MTA3: variants seen among roughly 807,000 people sequenced by gnomAD.
The protein encoded by MTA3 is metastasis associated 1 family member 3.
MTA3 carries 34 observed loss-of-function variants against 83.5 expected under a neutral mutation model. The ratio of observed to expected loss-of-function variants is 0.41; its 90% CI spans 0.31 to 0.54. MTA3 has a LOEUF of 0.54. Ranked by LOEUF, MTA3 falls within the 20% of genes least tolerant of loss-of-function variation. MTA3 has a pLI of 0.33. For synonymous variants in MTA3, 303 were observed against 252.7 expected (o/e 1.20, Z -1.89); for missense variants, 761 against 726.4 (o/e 1.05, Z -0.55).
At position 42,604,807 on chromosome 2, in the gene MTA3, A is replaced by G. The variant is rs549953858; in HGVS notation, c.191-4651A>G. Among the ~76,000 whole-genome samples, 127 of 149,218 alleles carry G rather than the reference A, an allele frequency of 8.5e-4. 1 individual carries two copies. Among genetic ancestry groups the G allele is most frequent in the Non-Finnish European group, 1.5e-3 (99 of 67,254 alleles). ...ACTCTTAACGAGCATGCTGCCTTCAAGCATCTGTTTAACAAAGCACATATT... is the reference window on the plus strand; with the variant it reads ...ACTCTTAACGAGCATGCTGCCTTCAGGCATCTGTTTAACAAAGCACATATT... On this transcript the variant is annotated intron_variant, in intron 3 of 16. Transcript: ENST00000405094.
At chr2:42,563,776 A>ATTCCCTCC (rs1677772585), upstream of MTA3, among the ~76,000 whole-genome samples, 2 of 114,378 alleles carry the variant, frequency 1.7e-5, no homozygotes, top group African/African-American at 6.8e-5. Flanking sequence ...TGGACCAAAC[A>ATTCCCTCC]TTCCTTCCTT....
intron 16 of MTA3, among the ~76,000 whole-genome samples, chr2:42,734,269 A>G (rs1668452533): frequency 6.7e-6 from 1 of 148,548 alleles, no homozygotes; most frequent in Non-Finnish European, 1.5e-5. Context: ...TGACCCCTTT[A>G]TCATTATAAA....
At chr2:42,630,253 ATTAAT>A (rs1381896093) in intron 4 of MTA3, among the ~76,000 whole-genome samples, 1 of 152,182 alleles carries the variant, frequency 6.6e-6, no homozygotes, top group African/African-American at 2.4e-5. Context: ...GTGCAGCCTG[ATTAAT>A]ACTTAATTGT....
chr2:42,557,721 A>G (rs968790208), intron 2 of MTA3, among the ~76,000 whole-genome samples: 2 of 152,128 alleles, frequency 1.3e-5, no homozygotes, highest in Non-Finnish European at 2.9e-5. Context: ...GCTCTCCAAC[A>G]TTTTCAGTCC....
intron 2 of MTA3, among the ~76,000 whole-genome samples, chr2:42,531,445 CTTTTT>C (rs10659582): frequency 2.7e-5 from 2 of 75,356 alleles, no homozygotes; most frequent in South Asian, 5.4e-4. Flanking sequence ...GAAGCAAACT[CTTTTT>C]TTTTTTTTTT....
intron 4 of MTA3, among the ~76,000 whole-genome samples, chr2:42,623,531 C>A (rs1036125488): frequency 6.6e-6 from 1 of 152,168 alleles, no homozygotes; most frequent in Non-Finnish European, 1.5e-5. Flanking sequence ...CAGGTGGCCA[C>A]AGCAGGGGAA....
intron 6 of MTA3, among the ~76,000 whole-genome samples, chr2:42,651,010 A>T (rs1688666029): frequency 2.6e-5 from 4 of 152,142 alleles, no homozygotes; most frequent in Non-Finnish European, 5.9e-5. Flanking sequence ...AGCTTACTAA[A>T]CACCCAGGCT....
intron 16 of MTA3, among the ~76,000 whole-genome samples, chr2:42,725,563 G>A (rs751652148): frequency 2.0e-4 from 30 of 152,246 alleles, no homozygotes; most frequent in South Asian, 4.1e-4. Context: ...CATTCTCAGG[G>A]TTGGGAGAGC....
intron 3 of MTA3, among the ~76,000 whole-genome samples, chr2:42,601,736 G>C (rs1468044706): frequency 6.6e-6 from 1 of 152,030 alleles, no homozygotes; most frequent in Non-Finnish European, 1.5e-5. Flanking sequence ...CTGGAGTGCA[G>C]GGTTGCGATC....
In MTA3 at chr2:42,498,680, A is replaced by C. The variant is rs144379513; in HGVS notation, c.-141+3426A>C. On this transcript the variant is annotated intron_variant, in intron 2 of 17. Transcript: ENST00000405592. ...CAGGTGAACTACAGGCCACAAAGAC[A>C]GCTTGTGTGCTGCCTCTGTAAGCTG... 3.4e-3 allele frequency among the ~76,000 whole-genome samples: 516 copies of C among 152,334 alleles called. 5 individuals carry two copies. The highest frequency in any genetic ancestry group is 0.012 in the African/African-American group (489 of 41,568).
At chr2:42,532,842 G>T in intron 2 of MTA3, 1 of 388,134 alleles carries the variant, frequency 2.6e-6, no homozygotes, top group Non-Finnish European at 5.1e-6. Flanking sequence ...TTCTCTGGGT[G>T]GAGCTGGCTG....
intron 2 of MTA3, among the ~76,000 whole-genome samples, chr2:42,500,729 CT>C (rs1391548959): frequency 6.6e-6 from 1 of 151,476 alleles, no homozygotes; most frequent in Non-Finnish European, 1.5e-5. Context: ...ATTAGAAACA[CT>C]TTATTAACAA....
At chr2:42,658,140 C>G (rs1445384964) in intron 7 of MTA3, among the ~76,000 whole-genome samples, 3 of 145,932 alleles carry the variant, frequency 2.1e-5, no homozygotes, top group Non-Finnish European at 4.5e-5. Context: ...TCAAATACCA[C>G]TGCCAATCCA....
intron 8 of MTA3, among the ~76,000 whole-genome samples, chr2:42,668,159 T>G (rs904946836): frequency 1.4e-4 from 22 of 152,166 alleles, no homozygotes; most frequent in African/African-American, 5.3e-4. Context: ...GATTCAGAAC[T>G]CAGTGGAACT....
chr2:42,578,658 C>G (rs753199781), intron 2 of MTA3, among the ~76,000 whole-genome samples: 6 of 152,164 alleles, frequency 3.9e-5, no homozygotes, highest in Admixed American at 1.3e-4. Flanking sequence ...TTACACTTAG[C>G]TAGTGCTTTC....
chr2:42,686,950 C>T (rs555095160), intron 9 of MTA3, among the ~76,000 whole-genome samples: 1 of 149,114 alleles, frequency 6.7e-6, no homozygotes, highest in East Asian at 2.0e-4. Flanking sequence ...GAAACCCCAT[C>T]TCTACAAAAA....
intron 2 of MTA3, among the ~76,000 whole-genome samples, chr2:42,499,969 AAAAAG>A (rs1674322220): frequency 6.6e-6 from 1 of 151,278 alleles, no homozygotes; most frequent in African/African-American, 2.4e-5. Flanking sequence ...TTGAAAAAAA[AAAAAG>A]AGAGAGAGAG....
At position 42,524,472 on chromosome 2, in the gene MTA3, GTT is replaced by G. The variant is rs58288129; in HGVS notation, c.-141+29241_-141+29242del. ...CCCGCCACCACGCCTGGCTAGTTGT[GTT>G]TTTTTTTTTTTTTTTTTTTTTTGTA... is the stretch of plus-strand genomic sequence containing the variant. On this transcript the variant is annotated intron_variant, in intron 2 of 17. Transcript: ENST00000405592. 9.9e-5 allele frequency among the ~76,000 whole-genome samples: 7 copies of G among 70,676 alleles called. No individual in the cohort carries two copies. The Admixed American group carries it at 1.3e-3, about 13-fold the overall frequency. 46.4% of individuals were successfully genotyped at this position (70,676 alleles called of 152,430 possible). A position where few individuals can be genotyped will look rare whatever the true frequency, so the allele number is the denominator to read the frequency against.
In MTA3 at chr2:42,755,980, C is replaced by A. The variant is rs1670212359; in HGVS notation, c.*2581C>A. 1.0e-6 allele frequency: 1 copy of A among 985,532 alleles called. No homozygotes were observed. The highest frequency in any genetic ancestry group is 1.2e-6 in the Non-Finnish European group (1 of 829,988). 61.0% of individuals were successfully genotyped at this position (985,532 alleles called of 1,614,324 possible). On this transcript the variant is annotated 3_prime_UTR_variant, in exon 17 of 17. Transcript: ENST00000405094. ...AGGTTTCAGCCTGCCCTTCACAATT[C>A]CCCTTGTGCACAGCCCAGTTTCCAT...
Sources: allele counts gnomAD v4.1 joint callset (sites outside exome capture counted in the v4.1 genomes callset), GRCh38; gene constraint gnomAD v4.1.1; transcripts MANE v1.5; gene names NCBI Gene and HGNC (gene_info 2026-07-23, HGNC 2026-07-21).